Variants in SLC36A4 observed in about 807,000 individuals in gnomAD.
The protein encoded by SLC36A4 is neutral amino acid uniporter 4.
Under a neutral mutation model 50.5 loss-of-function variants are expected in SLC36A4, and 49 were observed. The observed-to-expected ratio is 0.97, with a 90% CI of 0.77 to 1.23. The LOEUF is 1.23. Ranked by LOEUF, SLC36A4 falls within the 50% of genes most tolerant of loss-of-function variation. The pLI is 0.00. For synonymous variants in SLC36A4, 207 were observed against 206.5 expected (o/e 1.00, Z -0.02); for missense variants, 611 against 608.4 (o/e 1.00, Z -0.05).
chr11:93,152,454 A>G (rs865976226), intron 10 of SLC36A4: 1 of 152,178 alleles, frequency 6.6e-6, no homozygotes, highest in Non-Finnish European at 1.5e-5. Flanking sequence ...GTCCCAATAT[A>G]GCAGAAGGAA....
intron 8 of SLC36A4, 92 bp from the exon 9 acceptor site, chr11:93,162,967 C>T (rs1406923662): frequency 3.5e-6 from 4 of 1,152,990 alleles, no homozygotes; most frequent in Non-Finnish European, 4.9e-6. Context: ...TGTTTATAGC[C>T]TATATGCAAA....
At chr11:93,172,021 A>G (rs926926630) in intron 6 of SLC36A4, 9 of 152,292 alleles carry the variant, frequency 5.9e-5, no homozygotes, top group African/African-American at 2.2e-4. Context: ...GTCACAGCAC[A>G]TATGAGGGAA....
chr11:93,190,590 C>T (rs1012670892), intron 1 of SLC36A4, among the ~76,000 whole-genome samples: 10 of 151,968 alleles, frequency 6.6e-5, no homozygotes, highest in East Asian at 1.9e-4. Context: ...GTTAATTTTT[C>T]GAAGTTTAAA....
chr11:93,162,722 G>GATTT lies in SLC36A4; in HGVS notation c.1017_1020dup (p.Leu341LysfsTer46). On this transcript the variant is annotated frameshift_variant, in exon 9 of 11. Transcript: ENST00000326402. LOFTEE classifies it high-confidence loss of function. Reference sequence around the variant, plus strand: ...TACACCTACCATACATCTTGGGGAAGATTTAAAGTTATGCTGCCTTTGATT... The same window carrying GATTT: ...TACACCTACCATACATCTTGGGGAAGATTTATTTAAAGTTATGCTGCCTTTGATT... 6.2e-7 allele frequency: 1 copy of GATTT among 1,609,674 alleles called. No homozygotes were observed. Among genetic ancestry groups the GATTT allele is most frequent in the Non-Finnish European group, 8.5e-7 (1 of 1,178,512 alleles).
At chr11:93,154,960 CTT>C in intron 9 of SLC36A4, 1 of 152,068 alleles carries the variant, frequency 6.6e-6, no homozygotes, top group East Asian at 1.9e-4. Context: ...TTATAAATAT[CTT>C]TAGATTTCTA....
intron 1 of SLC36A4, among the ~76,000 whole-genome samples, chr11:93,190,981 T>C (rs546707899): frequency 4.6e-4 from 70 of 152,348 alleles, no homozygotes; most frequent in Admixed American, 1.2e-3. Flanking sequence ...AGACTGAGCA[T>C]ATCAACTTGA....
At chr11:93,156,605 A>G (rs936874427) in intron 9 of SLC36A4, among the ~76,000 whole-genome samples, 2 of 151,892 alleles carry the variant, frequency 1.3e-5, no homozygotes, top group Non-Finnish European at 2.9e-5. Context: ...TTTTTAGTAG[A>G]GATGGGGTTT....
chr11:93,173,432 C>G (rs1316019462), intron 6 of SLC36A4, among the ~76,000 whole-genome samples: 1 of 147,306 alleles, frequency 6.8e-6, no homozygotes, highest in East Asian at 2.0e-4. Context: ...TTTTGCTGTG[C>G]AGAAGCTCTT....
At chr11:93,192,397 T>C (rs1862251475) in intron 1 of SLC36A4, among the ~76,000 whole-genome samples, 1 of 151,782 alleles carries the variant, frequency 6.6e-6, no homozygotes, top group Non-Finnish European at 1.5e-5. Context: ...GAGTAGGGGA[T>C]GAGATCAGAT....
chr11:93,169,252 T>C (rs1861023578), intron 6 of SLC36A4, among the ~76,000 whole-genome samples: 1 of 152,136 alleles, frequency 6.6e-6, no homozygotes, highest in African/African-American at 2.4e-5. Flanking sequence ...GTAATATTAA[T>C]CCCAATTTAT....
chr11:93,179,792 T>G (rs1011024305), intron 6 of SLC36A4, among the ~76,000 whole-genome samples: 1 of 152,188 alleles, frequency 6.6e-6, no homozygotes, highest in African/African-American at 2.4e-5. Context: ...GCAAATAAAA[T>G]TTTACCTAAA....
intron 6 of SLC36A4, among the ~76,000 whole-genome samples, chr11:93,172,539 G>A (rs1590958068): frequency 6.6e-6 from 1 of 150,580 alleles, no homozygotes; most frequent in Non-Finnish European, 1.5e-5. Context: ...CTGGTGCGCT[G>A]CACCCACTAA....
intron 9 of SLC36A4, among the ~76,000 whole-genome samples, chr11:93,158,984 T>G (rs1860495395): frequency 6.6e-6 from 1 of 152,124 alleles, no homozygotes; most frequent in African/African-American, 2.4e-5. Context: ...AGTTACAGAC[T>G]AATTCTTCTC....
intron 8 of SLC36A4, among the ~76,000 whole-genome samples, chr11:93,164,690 G>A (rs2134653297): frequency 6.6e-6 from 1 of 152,292 alleles, no homozygotes; most frequent in South Asian, 2.1e-4. Flanking sequence ...GGGAGAAAGA[G>A]AAAGAAATGA....
At chr11:93,175,990 T>C (rs2134679594) in intron 6 of SLC36A4, among the ~76,000 whole-genome samples, 1 of 131,714 alleles carries the variant, frequency 7.6e-6, no homozygotes, top group Non-Finnish European at 1.6e-5. Context: ...TGAGTTCAAT[T>C]CCTGGGTATC....
chr11:93,154,477 C>T (rs1218226662), intron 9 of SLC36A4, 200 bp from the exon 10 acceptor site: 1 of 283,236 alleles, frequency 3.5e-6, no homozygotes, highest in Non-Finnish European at 6.5e-6. Context: ...TTCATTTTCA[C>T]AAGACTGGAA....
intron 1 of SLC36A4, among the ~76,000 whole-genome samples, chr11:93,190,990 GAATGATAT>G: frequency 6.6e-6 from 1 of 152,252 alleles, no homozygotes; most frequent in East Asian, 1.9e-4. Flanking sequence ...ATATCAACTT[GAATGATAT>G]AAAACAGCTC....
intron 8 of SLC36A4, 115 bp from the exon 9 acceptor site, chr11:93,162,990 A>G (rs1860700809): frequency 1.3e-6 from 1 of 779,930 alleles, no homozygotes; most frequent in Non-Finnish European, 2.0e-6. Flanking sequence ...TTTTTCCTTT[A>G]AAACACATAT....
intron 9 of SLC36A4, chr11:93,160,781 A>T: frequency 1.0e-6 from 1 of 958,110 alleles, no homozygotes; most frequent in Non-Finnish European, 1.2e-6. Flanking sequence ...TACATTTGGC[A>T]TTAAAAATAG....
Sources: allele counts gnomAD v4.1 joint callset (sites outside exome capture counted in the v4.1 genomes callset), GRCh38; gene constraint gnomAD v4.1.1; transcripts MANE v1.5; gene names NCBI Gene and HGNC (gene_info 2026-07-23, HGNC 2026-07-21).